DNM1: variants seen among roughly 807,000 people sequenced by gnomAD.
The protein encoded by DNM1 is dynamin-1.
DNM1 carries 29 observed loss-of-function variants against 104.6 expected under a neutral mutation model. That is an observed-to-expected ratio of 0.28 (90% CI 0.21 to 0.38). DNM1 has a LOEUF of 0.38. Among genes scored for constraint, DNM1 ranks in the 10% least tolerant of loss-of-function variants. DNM1 has a pLI of 1.00. For synonymous variants in DNM1, 445 were observed against 475.8 expected (o/e 0.94, Z 0.84); for missense variants, 640 against 1,189.4 (o/e 0.54, Z 6.79).
chr9:128,205,738 G>A (rs1588307193), intron 1 of DNM1, among the ~76,000 whole-genome samples: 1 of 152,296 alleles, frequency 6.6e-6, no homozygotes, highest in East Asian at 1.9e-4. Flanking sequence ...GGCGCTGATA[G>A]CCAATTAGGC....
At chr9:128,241,573 C>G (rs1046878127) in intron 14 of DNM1, among the ~76,000 whole-genome samples, 1 of 152,164 alleles carries the variant, frequency 6.6e-6, no homozygotes, top group African/African-American at 2.4e-5. Context: ...CTGGGATGTA[C>G]TAGTGACCAA....
At chr9:128,242,401 C>G (rs1358690665) in intron 15 of DNM1, 56 bp downstream of exon 15, 1 of 991,614 alleles carries the variant, frequency 1.0e-6, no homozygotes, top group African/African-American at 1.6e-5. Context: ...GAGTCAGGCT[C>G]AGACCCTCCC....
Position 128,215,106 on chromosome 9 carries a change from G to A in DNM1, c.162-3125G>A, listed in dbSNP as rs576625331. Among the ~76,000 whole-genome samples, 7 of 152,348 alleles carry A rather than the reference G, an allele frequency of 4.6e-5. No homozygotes were observed. The East Asian group carries it at 5.8e-4, about 13-fold the overall frequency. On this transcript the variant is annotated intron_variant, in intron 1 of 21. Coordinates refer to ENST00000372923, the MANE Select transcript of DNM1 (RefSeq NM_004408.4). ...GAAGTGAGTGAGGAGCTCATTGTCCGGACCTGGGGACCTGCTGGTCCTCCC... is the reference window on the plus strand; with the variant it reads ...GAAGTGAGTGAGGAGCTCATTGTCCAGACCTGGGGACCTGCTGGTCCTCCC...
chr9:128,205,616 C>G (rs1833897694), intron 1 of DNM1, among the ~76,000 whole-genome samples: 1 of 152,190 alleles, frequency 6.6e-6, no homozygotes, highest in Non-Finnish European at 1.5e-5. Context: ...CTCCATTTCC[C>G]CATCTGCGGA....
chr9:128,225,237 C>T (rs911693722), intron 10 of DNM1, among the ~76,000 whole-genome samples: 4 of 152,184 alleles, frequency 2.6e-5, no homozygotes, highest in South Asian at 2.1e-4. Flanking sequence ...ACTGCTGTCC[C>T]GGCCCCTCTC....
At chr9:128,215,939 C>T (rs1412861225) in intron 1 of DNM1, among the ~76,000 whole-genome samples, 3 of 152,090 alleles carry the variant, frequency 2.0e-5, no homozygotes, top group African/African-American at 4.8e-5. Flanking sequence ...CTCCACAGCC[C>T]TGGGGGACTC....
In DNM1 at chr9:128,222,778, TGCTTTTCTAC is replaced by T; in HGVS notation, c.1129-14_1129-5del. On this transcript the variant is annotated splice_region_variant and splice_polypyrimidine_tract_variant and intron_variant, in intron 8 of 21. Coordinates refer to ENST00000372923, the MANE Select transcript of DNM1 (RefSeq NM_004408.4). The surrounding 1 kb of genome is among the most constrained non-coding windows in gnomAD (Gnocchi z 7.8). ...GACAGGCCCTGACCAGGCTTTTCTC[TGCTTTTCTAC>T]ACAGATGGAGTTTGATGAGAAGGAA... is the stretch of plus-strand genomic sequence containing the variant. 1 of 1,614,114 alleles carries T rather than the reference TGCTTTTCTAC, an allele frequency of 6.2e-7. No individual in the cohort carries two copies. The highest frequency in any genetic ancestry group is 8.5e-7 in the Non-Finnish European group (1 of 1,179,978).
Position 128,218,799 on chromosome 9 carries a change from GCTC to G in DNM1, c.385+74_385+76del, listed in dbSNP as rs1554772804. 1 of 1,501,820 alleles carries G rather than the reference GCTC, an allele frequency of 6.7e-7. No homozygotes were observed. The highest frequency in any genetic ancestry group is 8.9e-7 in the Non-Finnish European group (1 of 1,121,638). The allele number at this position is 1,501,820 out of a possible 1,614,324, so 93.0% of individuals were successfully genotyped here. On this transcript the variant is annotated intron_variant, in intron 3 of 21. Transcript: ENST00000372923. The surrounding 1 kb of genome is among the most constrained non-coding windows in gnomAD (Gnocchi z 4.8). The stretch of plus-strand genomic sequence containing the variant: ...TTGGCCACGCACCTCTGCGTGCCTC[GCTC>G]CTCCTGCAGACTCCGCCCCTAGAAT...
rs1833621687 is a variant in DNM1, at chr9:128,203,586, G to T, written c.116G>T (p.Gly39Val). The change falls in exon 1 of 22, where the codon GGC (glycine) becomes GTC (valine). Residue 39 changes from glycine to valine, a missense_variant. Coordinates refer to ENST00000372923, the MANE Select transcript of DNM1 (RefSeq NM_004408.4). This position sits in a 1 kb window ranked among gnomAD's most constrained non-coding sequence, Gnocchi z 5.3. ...LDLPQIAVVG[G>V]QSAGKSSVLE... ...CTGCCGCAGATCGCTGTGGTGGGCG[G>T]CCAGAGCGCCGGCAAGAGCTCGGTG... 6.4e-7 allele frequency: 1 copy of T among 1,551,316 alleles called. No homozygotes were observed.
Position 128,218,900 on chromosome 9 carries a change from A to C in DNM1, c.386-149A>C. ...TCCGCCCACTTCCGGCCACGCCTCC[A>C]ACAGACTGCCACTTTCGCCCTGAGA... On this transcript the variant is annotated intron_variant, in intron 3 of 21. Coordinates refer to ENST00000372923, the MANE Select transcript of DNM1 (RefSeq NM_004408.4). This position sits in a 1 kb window ranked among gnomAD's most constrained non-coding sequence, Gnocchi z 4.8. 1 of 1,288,452 alleles carries C rather than the reference A, an allele frequency of 7.8e-7. No individual in the cohort carries two copies. Among genetic ancestry groups the C allele is most frequent in the South Asian group, 1.4e-5 (1 of 70,654 alleles). 79.8% of individuals were successfully genotyped at this position (1,288,452 alleles called of 1,614,324 possible). A position where few individuals can be genotyped will look rare whatever the true frequency, so the allele number is the denominator to read the frequency against.
chr9:128,234,094 G>A lies in DNM1; in HGVS notation c.1409G>A (p.Arg470His), dbSNP rs763830358. 2.7e-5 allele frequency: 42 copies of A among 1,559,968 alleles called. No individual in the cohort carries two copies. Among genetic ancestry groups the A allele is most frequent in the Non-Finnish European group, 3.6e-5 (41 of 1,152,978 alleles). ...ACCCACATCCGGGAGCGCGAGGGCC[G>A]CACTAAGGAGCAGGTGAGCCCCGCA... Reference protein sequence around the residue: ...VTTHIREREGRTKEQVMLLID... With the variant: ...VTTHIREREGHTKEQVMLLID... Residue 470 changes from arginine (R) to histidine (H), a missense_variant, in exon 11 of 22, where the codon CGC (arginine) becomes CAC (histidine). Transcript: ENST00000372923.
chr9:128,207,407 G>T (rs3003571), intron 1 of DNM1, among the ~76,000 whole-genome samples: 128,032 of 151,944 alleles, frequency 0.84, 55,195 homozygotes, highest in Non-Finnish European at 0.94. Flanking sequence ...GCACACACCA[G>T]CCTTTCATGA....
Position 128,229,022 on chromosome 9 carries a change from G to A in DNM1, c.1335+4633G>A, listed in dbSNP as rs559064504. On this transcript the variant is annotated intron_variant, in intron 10 of 21. Transcript: ENST00000372923. The stretch of plus-strand genomic sequence containing the variant: ...GAAAGAAAAAGAAAAAGAAAAACTG[G>A]AGACTATCTAAATATTCACCAATAG... Among the ~76,000 whole-genome samples, 7 of 151,786 alleles carry A rather than the reference G, an allele frequency of 4.6e-5. No homozygotes were observed. In the South Asian group the frequency reaches 1.5e-3, roughly 32 times the overall value.
At chr9:128,234,598 T>C (rs913403118) in intron 11 of DNM1, among the ~76,000 whole-genome samples, 1 of 152,198 alleles carries the variant, frequency 6.6e-6, no homozygotes, top group African/African-American at 2.4e-5. Flanking sequence ...GGTCTCAAAC[T>C]CCTGACCTCA....
intron 21 of DNM1, chr9:128,252,886 C>T (rs1408382465): frequency 7.3e-6 from 5 of 686,054 alleles, no homozygotes; most frequent in African/African-American, 3.5e-5. Context: ...CTGCACGCGC[C>T]GCCGGCCAGT....
Position 128,220,435 on chromosome 9 carries a change from C to A in DNM1, c.849+94C>A. 1.4e-6 allele frequency: 2 copies of A among 1,475,430 alleles called. No homozygotes were observed. Among genetic ancestry groups the A allele is most frequent in the Middle Eastern group, 1.9e-4 (1 of 5,146 alleles). The allele number at this position is 1,475,430 out of a possible 1,614,324, so 91.4% of individuals were successfully genotyped here. A position where few individuals can be genotyped will look rare whatever the true frequency, so the allele number is the denominator to read the frequency against. ...GAGAGTGAACAGCAGAGGTTAGCCTCTCCGTAGTGCAGATAGACAAACTGA... is the reference window on the plus strand; with the variant it reads ...GAGAGTGAACAGCAGAGGTTAGCCTATCCGTAGTGCAGATAGACAAACTGA... On this transcript the variant is annotated intron_variant, in intron 6 of 21. Transcript: ENST00000372923. This position sits in a 1 kb window ranked among gnomAD's most constrained non-coding sequence, Gnocchi z 5.2.
chr9:128,248,595 G>C lies in DNM1; in HGVS notation c.1918G>C (p.Glu640Gln). ...VGDKEKASET[E>Q]ENGSDSFMHS... ...TTCTCCATGGCAGGCCAGCGAGACC[G>C]AGGAGAATGGCTCCGACAGCTTCAT... is the stretch of plus-strand genomic sequence containing the variant. The change falls in exon 19 of 22, where the codon GAG becomes CAG. Residue 640 changes from glutamate to glutamine, a missense_variant. Physicochemically the swap from Glu to Gln is conservative, Grantham distance 29. Coordinates refer to ENST00000372923, the MANE Select transcript of DNM1 (RefSeq NM_004408.4). The surrounding 1 kb of genome is among the most constrained non-coding windows in gnomAD (Gnocchi z 5.6). 1.9e-6 allele frequency: 3 copies of C among 1,613,728 alleles called. No homozygotes were observed. The highest frequency in any genetic ancestry group is 2.5e-6 in the Non-Finnish European group (3 of 1,179,702).
intron 10 of DNM1, among the ~76,000 whole-genome samples, chr9:128,230,344 A>G (rs1479578411): frequency 6.6e-6 from 1 of 151,318 alleles, no homozygotes; most frequent in Non-Finnish European, 1.5e-5. Flanking sequence ...GAGAAAAAAT[A>G]ATATATGTGA....
intron 1 of DNM1, among the ~76,000 whole-genome samples, chr9:128,210,348 CATTATTATTATT>C (rs61012054): frequency 7.1e-6 from 1 of 141,610 alleles, no homozygotes; most frequent in East Asian, 2.1e-4. Context: ...ATTTATTTGG[CATTATTATTATT>C]ATTATTATTA....
Sources: gnomAD v4.1 joint callset for allele counts (sites outside exome capture counted in the v4.1 genomes callset) on GRCh38, gnomAD v4.1.1 for gene constraint, Gnocchi (gnomAD v3.1) non-coding constraint, MANE v1.5 for transcripts, NCBI Gene and HGNC (gene_info 2026-07-23, HGNC 2026-07-21) for gene names.